The following PEX5L variants were observed in gnomAD, a reference collection of about 807,000 sequenced individuals.
The protein encoded by PEX5L is peroxisomal biogenesis factor 5 like.
PEX5L carries 30 observed loss-of-function variants against 84.0 expected under a neutral mutation model. The observed-to-expected ratio is 0.36, with a 90% CI of 0.27 to 0.48. The LOEUF (loss-of-function observed/expected upper bound fraction) is 0.48. Ranked by LOEUF, PEX5L falls within the 20% of genes least tolerant of loss-of-function variation. The pLI is 0.99. For synonymous variants in PEX5L, 270 were observed against 283.1 expected, an observed-to-expected ratio of 0.95 and a Z score of 0.46; for missense variants, 533 against 754.6, an observed-to-expected ratio of 0.71 and a Z score of 3.44.
chr3:179,804,306 T>C (rs1720302415), intron 14 of PEX5L: 1 of 152,126 alleles, frequency 6.6e-6, no homozygotes, highest in South Asian at 2.1e-4. Context: ...CATGTATGTA[T>C]AAATAATTTT....
chr3:179,995,995 C>T (rs1787856681), intron 1 of PEX5L, among the ~76,000 whole-genome samples: 1 of 152,206 alleles, frequency 6.6e-6, no homozygotes. Context: ...AAAGTGGCAA[C>T]ATCCCCTTTC....
At position 179,939,046 on chromosome 3, in the gene PEX5L, A is replaced by G. The variant is rs536826729; in HGVS notation, c.93+32548T>C. 2.0e-5 allele frequency among the ~76,000 whole-genome samples: 3 copies of G among 152,366 alleles called. No homozygotes were observed. In the South Asian group the frequency reaches 6.2e-4, roughly 32 times the overall value. On this transcript the variant is annotated intron_variant, in intron 2 of 14. Coordinates refer to ENST00000467460, the MANE Select transcript of PEX5L (RefSeq NM_016559.3). Reference sequence around the variant, plus strand: ...GGCTCAGGGGCTGGGAAAAGACTGCATCATGCTGCTGAAACTCTGCCTCAC... The same window carrying G: ...GGCTCAGGGGCTGGGAAAAGACTGCGTCATGCTGCTGAAACTCTGCCTCAC...
At chr3:179,912,313 T>A (rs1438650745) in intron 2 of PEX5L, among the ~76,000 whole-genome samples, 2 of 152,106 alleles carry the variant, frequency 1.3e-5, no homozygotes, top group Non-Finnish European at 2.9e-5. Context: ...AGAGACTAAA[T>A]TAACATTTAA....
At chr3:179,972,586 G>A (rs938851749) in intron 1 of PEX5L, among the ~76,000 whole-genome samples, 1 of 152,032 alleles carries the variant, frequency 6.6e-6, no homozygotes, top group East Asian at 1.9e-4. Flanking sequence ...AAAGATTCTT[G>A]CTTTAGTTAT....
At chr3:179,864,422 T>G (rs1747393214) in intron 7 of PEX5L, among the ~76,000 whole-genome samples, 1 of 152,094 alleles carries the variant, frequency 6.6e-6, no homozygotes, top group Non-Finnish European at 1.5e-5. Flanking sequence ...AAGTGAAATA[T>G]GCCAAGCACA....
rs553069688 is a variant in PEX5L at position 180,034,394 on chromosome 3, TGTTTCTTCTTATCTGTGATTAGA to T, written c.21+2162_21+2184del. On this transcript the variant is annotated intron_variant, in intron 1 of 14. Transcript: ENST00000467460. Reference sequence around the variant, plus strand: ...TACACATTTTGGAGTGTTTGGAATGTGTTTCTTCTTATCTGTGATTAGAGTCAGGTACACACAGGAAGATGATA... The same window carrying T: ...TACACATTTTGGAGTGTTTGGAATGTGTCAGGTACACACAGGAAGATGATA... Among the ~76,000 whole-genome samples, 447 of 152,356 alleles carry T rather than the reference TGTTTCTTCTTATCTGTGATTAGA, an allele frequency of 2.9e-3. 1 individual carries two copies. The highest frequency in any genetic ancestry group is 5.1e-3 in the Non-Finnish European group (344 of 68,018).
At chr3:179,978,589 C>T (rs1458341327) in intron 1 of PEX5L, among the ~76,000 whole-genome samples, 1 of 152,120 alleles carries the variant, frequency 6.6e-6, no homozygotes, top group Admixed American at 6.5e-5. Flanking sequence ...TACACTATCA[C>T]ATTTCTACAC....
intron 1 of PEX5L, among the ~76,000 whole-genome samples, chr3:179,980,992 C>T (rs1786274035): frequency 6.8e-6 from 1 of 147,484 alleles, no homozygotes; most frequent in Admixed American, 6.9e-5. Context: ...CCACTGTACT[C>T]TAGTCTGGGT....
chr3:179,876,983 C>T (rs1268389235), intron 5 of PEX5L, among the ~76,000 whole-genome samples: 6 of 152,194 alleles, frequency 3.9e-5, no homozygotes, highest in African/African-American at 1.4e-4. Context: ...GTTTCATACA[C>T]ACCTTACACA....
intron 2 of PEX5L, among the ~76,000 whole-genome samples, chr3:179,910,724 ATGAGTTAGAACCC>A (rs1249368040): frequency 1.3e-5 from 2 of 152,212 alleles, no homozygotes; most frequent in Admixed American, 1.3e-4. Flanking sequence ...GGGACTTTAG[ATGAGTTAGAACCC>A]TGGGAGTGGC....
chr3:179,955,908 T>C lies in PEX5L; in HGVS notation c.93+15686A>G, dbSNP rs558394699. ...AGTACTACCGATGTAAAAGTAATCA[T>C]TATGGATGTGTTCATTTTTCTACAG... On this transcript the variant is annotated intron_variant, in intron 2 of 14. Coordinates refer to ENST00000467460, the MANE Select transcript of PEX5L (RefSeq NM_016559.3). Among the ~76,000 whole-genome samples the C allele has an allele frequency of 2.9e-4, 44 of 152,230 alleles. 1 individual carries two copies. The East Asian group carries it at 6.4e-3, about 22-fold the overall frequency.
chr3:179,950,583 G>A (rs1778831633), intron 2 of PEX5L, among the ~76,000 whole-genome samples: 1 of 152,052 alleles, frequency 6.6e-6, no homozygotes, highest in African/African-American at 2.4e-5. Flanking sequence ...TGATCTAATA[G>A]CATCTATTGA....
chr3:179,984,750 C>T (rs1377727447), intron 1 of PEX5L, among the ~76,000 whole-genome samples: 1 of 152,100 alleles, frequency 6.6e-6, no homozygotes, highest in Non-Finnish European at 1.5e-5. Flanking sequence ...TCTCATTAGC[C>T]TTATGATAAA....
intron 1 of PEX5L, among the ~76,000 whole-genome samples, chr3:180,001,051 A>T (rs1788353846): frequency 2.6e-5 from 4 of 152,038 alleles, no homozygotes. Flanking sequence ...GGAAAGGCAG[A>T]CCCACCCTTA....
chr3:179,818,302 T>G (rs535186809), intron 9 of PEX5L, among the ~76,000 whole-genome samples: 2 of 152,212 alleles, frequency 1.3e-5, no homozygotes, highest in South Asian at 4.1e-4. Flanking sequence ...TGTGGGTACC[T>G]AATAGGTATA....
rs551154500 is a variant in PEX5L, at chr3:179,800,223, A to T, written c.*1605T>A. 1 of 152,320 alleles carries T rather than the reference A, an allele frequency of 6.6e-6. No homozygotes were observed. Among genetic ancestry groups the T allele is most frequent in the East Asian group, 1.9e-4 (1 of 5,190 alleles). 9.4% of individuals were successfully genotyped at this position (152,320 alleles called of 1,614,324 possible). A position where few individuals can be genotyped will look rare whatever the true frequency, so the allele number is the denominator to read the frequency against. On this transcript the variant is annotated 3_prime_UTR_variant, in exon 15 of 15. Transcript: ENST00000467460. ...TCAGTAGAAGCTTATTCCCCAGCCA[A>T]TTAGACTGTTTTGATCCCAATTCTG... is the stretch of plus-strand genomic sequence containing the variant.
At chr3:179,819,123 G>A (rs1228752036) in intron 9 of PEX5L, among the ~76,000 whole-genome samples, 1 of 151,790 alleles carries the variant, frequency 6.6e-6, no homozygotes, top group Non-Finnish European at 1.5e-5. Flanking sequence ...GGACACTTAG[G>A]TTGCTTCTAT....
At chr3:180,015,168 A>G (rs1197167811) in intron 1 of PEX5L, among the ~76,000 whole-genome samples, 2 of 152,158 alleles carry the variant, frequency 1.3e-5, no homozygotes, top group African/African-American at 4.8e-5. Context: ...TTGCTGGAAG[A>G]TGGGTTGGCT....
rs1577040460 is a variant in PEX5L, at chr3:179,798,227, A to T, written c.*3601T>A. The T allele has an allele frequency of 6.6e-6, 1 of 152,226 alleles. No homozygotes were observed. The highest frequency in any genetic ancestry group is 1.5e-5 in the Non-Finnish European group (1 of 68,038). 9.4% of individuals were successfully genotyped at this position (152,226 alleles called of 1,614,324 possible). On this transcript the variant is annotated 3_prime_UTR_variant, in exon 15 of 15. Coordinates refer to ENST00000467460, the MANE Select transcript of PEX5L (RefSeq NM_016559.3). Reference sequence around the variant, plus strand: ...GAAACGTAAGTGGACATTCCTACCCAGTTATGTTTCCTTACTTTTCTGTTC... The same window carrying T: ...GAAACGTAAGTGGACATTCCTACCCTGTTATGTTTCCTTACTTTTCTGTTC...
Sources: gnomAD v4.1 joint callset for allele counts (sites outside exome capture counted in the v4.1 genomes callset) on GRCh38, gnomAD v4.1.1 for gene constraint, MANE v1.5 for transcripts, NCBI Gene and HGNC (gene_info 2026-07-23, HGNC 2026-07-21) for gene names.